Variants in KMT2C observed in about 807,000 individuals in gnomAD.
KMT2C encodes the protein histone-lysine N-methyltransferase 2C.
A neutral mutation model predicts 507.9 loss-of-function variants in KMT2C; 88 were observed. The observed-to-expected ratio is 0.17, with a 90% CI of 0.15 to 0.21. KMT2C has a LOEUF of 0.21. KMT2C is among the 10% of genes least tolerant of loss of function. KMT2C has a pLI of 1.00. For synonymous variants in KMT2C, 2,049 were observed against 2,080.8 expected (o/e 0.98, Z 0.42); for missense variants, 4,954 against 5,957.8 (o/e 0.83, Z 5.55).
chr7:152,367,846 C>T (rs1272137097), intron 1 of KMT2C: 2 of 985,730 alleles, frequency 2.0e-6, no homozygotes, highest in Non-Finnish European at 3.3e-6. Context: ...TACTTCATTG[C>T]TCCTTCAGGA....
chr7:152,163,870 G>A lies in KMT2C; in HGVS notation c.9751-44C>T, dbSNP rs570137316. 4.3e-4 allele frequency: 670 copies of A among 1,565,848 alleles called. 5 individuals are homozygous for A. The South Asian group carries it at 7.0e-3, about 16-fold the overall frequency. ...TCATTACTCATTTCTATACAGCATAGGTACTGAAGTAAAACACTGGCTGAT... is the reference window on the plus strand; with the variant it reads ...TCATTACTCATTTCTATACAGCATAAGTACTGAAGTAAAACACTGGCTGAT... On this transcript the variant is annotated intron_variant, in intron 42 of 58. Transcript: ENST00000262189.
chr7:152,179,091 A>C (rs1226699372), intron 37 of KMT2C, among the ~76,000 whole-genome samples: 3 of 152,314 alleles, frequency 2.0e-5, no homozygotes, highest in East Asian at 3.9e-4. Flanking sequence ...CCTGGGTTCA[A>C]GTGATCCTTT....
chr7:152,163,105 C>T lies in KMT2C; in HGVS notation c.10472G>A (p.Gly3491Glu), dbSNP rs760729801. 20 of 1,614,082 alleles carry T rather than the reference C, an allele frequency of 1.2e-5. No individual in the cohort carries two copies. The highest frequency in any genetic ancestry group is 2.7e-5 in the African/African-American group (2 of 74,924). ...TTGGGTGGAGGGTGAATTAATTGAT[C>T]CTTGTTGTATATTCTGCTGCTGTAA... ...QVLQQQNIQQ[G>E]SINSPSTQTF... The change falls in exon 43 of 59, where the codon GGA becomes GAA. Residue 3491 changes from glycine to glutamate, a missense_variant. This residue lies in a region of KMT2C where 801 missense variants were observed against 751.2 expected (regional missense o/e 1.07). Transcript: ENST00000262189.
intron 6 of KMT2C, among the ~76,000 whole-genome samples, chr7:152,307,075 T>A (rs1242005563): frequency 6.6e-6 from 1 of 151,890 alleles, no homozygotes; most frequent in African/African-American, 2.4e-5. Flanking sequence ...GAGAACTGTT[T>A]GAGCCTGGGA....
Position 152,360,025 on chromosome 7 carries a change from G to A in KMT2C, c.162-1350C>T, listed in dbSNP as rs532240194. On this transcript the variant is annotated intron_variant, in intron 1 of 58. Coordinates refer to ENST00000262189, the MANE Select transcript of KMT2C (RefSeq NM_170606.3). ...TATCATGCCACTGCACTCCAGCCTG[G>A]GCGACAGAGTGAGACTGTCTCAAAC... Among the ~76,000 whole-genome samples, 348 of 113,898 alleles carry A rather than the reference G, an allele frequency of 3.1e-3. 4 individuals are homozygous for A. The highest frequency in any genetic ancestry group is 0.011 in the African/African-American group (325 of 28,950). The allele number at this position is 113,898 out of a possible 152,430, so 74.7% of individuals were successfully genotyped here.
chr7:152,242,049 A>G (rs1406463212), intron 14 of KMT2C, among the ~76,000 whole-genome samples: 1 of 152,206 alleles, frequency 6.6e-6, no homozygotes, highest in Admixed American at 6.5e-5. Context: ...AAATATAGCT[A>G]TAATTACCAA....
chr7:152,412,806 T>C (rs1233930001), intron 1 of KMT2C, among the ~76,000 whole-genome samples: 1 of 152,242 alleles, frequency 6.6e-6, no homozygotes, highest in Non-Finnish European at 1.5e-5. Flanking sequence ...AAGTTCTGAC[T>C]TTCTTATTGA....
intron 1 of KMT2C, among the ~76,000 whole-genome samples, chr7:152,434,773 G>C (rs934961331): frequency 1.3e-5 from 2 of 152,290 alleles, no homozygotes; most frequent in Middle Eastern, 3.4e-3. Context: ...CCTCTAATAA[G>C]CTGGGGTCCA....
At chr7:152,187,532 G>A (rs541411229) in intron 32 of KMT2C, 56 bp from the exon 33 acceptor site, 1 of 1,494,118 alleles carries the variant, frequency 6.7e-7, no homozygotes. Flanking sequence ...CTTAATATAT[G>A]TTCAAGTATA....
chr7:152,178,940 A>G (rs1587971072), intron 37 of KMT2C, among the ~76,000 whole-genome samples: 1 of 152,236 alleles, frequency 6.6e-6, no homozygotes, highest in South Asian at 2.1e-4. Flanking sequence ...CTCACCATGG[A>G]AAGTTCCTAA....
chr7:152,171,667 T>C (rs2092968390), intron 39 of KMT2C, among the ~76,000 whole-genome samples: 2 of 152,350 alleles, frequency 1.3e-5, no homozygotes, highest in South Asian at 4.1e-4. Context: ...TACTCTATTA[T>C]GTGCCTCACT....
At chr7:152,432,209 C>T (rs2097868945) in intron 1 of KMT2C, among the ~76,000 whole-genome samples, 1 of 152,182 alleles carries the variant, frequency 6.6e-6, no homozygotes, top group Non-Finnish European at 1.5e-5. Context: ...TGTACAACCA[C>T]CCCCATCCCC....
chr7:152,307,141 G>A (rs2096621645), intron 6 of KMT2C, among the ~76,000 whole-genome samples: 1 of 150,586 alleles, frequency 6.6e-6, no homozygotes, highest in African/African-American at 2.4e-5. Flanking sequence ...CTGGACAACA[G>A]GGTGAGACCC....
chr7:152,296,024 C>A (rs1353430644), intron 6 of KMT2C, among the ~76,000 whole-genome samples: 1 of 143,568 alleles, frequency 7.0e-6, no homozygotes, highest in South Asian at 2.2e-4. Flanking sequence ...GCCGAGATCA[C>A]GCCACTGCAC....
chr7:152,322,148 G>A (rs1385326216), intron 3 of KMT2C, among the ~76,000 whole-genome samples: 1 of 151,400 alleles, frequency 6.6e-6, no homozygotes, highest in East Asian at 1.9e-4. Flanking sequence ...CAGACTGCTT[G>A]AGCCCAGAGT....
chr7:152,333,749 T>C (rs961966587), intron 2 of KMT2C, among the ~76,000 whole-genome samples: 1 of 152,210 alleles, frequency 6.6e-6, no homozygotes, highest in African/African-American at 2.4e-5. Context: ...CTACAAATAA[T>C]TGTAAATCCT....
At chr7:152,137,043 C>G (rs2089935116) in intron 58 of KMT2C, 119 bp from the exon 59 acceptor site, 1 of 755,046 alleles carries the variant, frequency 1.3e-6, no homozygotes, top group Non-Finnish European at 2.2e-6. Context: ...TAAGGAAGAC[C>G]TGATTTATTG....
At chr7:152,346,735 C>T (rs2097061008) in intron 2 of KMT2C, among the ~76,000 whole-genome samples, 1 of 152,138 alleles carries the variant, frequency 6.6e-6, no homozygotes, top group Admixed American at 6.5e-5. Context: ...GACAGGAAGC[C>T]TTACCAATAA....
intron 4 of KMT2C, among the ~76,000 whole-genome samples, chr7:152,313,846 A>C (rs563511172): frequency 6.6e-6 from 1 of 152,276 alleles, no homozygotes; most frequent in South Asian, 2.1e-4. Flanking sequence ...ATCTGAGCTC[A>C]TAAGAATTTT....
Sources: allele counts gnomAD v4.1 joint callset (sites outside exome capture counted in the v4.1 genomes callset), GRCh38; gene constraint gnomAD v4.1.1; regional missense constraint gnomAD v4.1.1; transcripts MANE v1.5; gene names NCBI Gene and HGNC (gene_info 2026-07-23, HGNC 2026-07-21).